The following AIMP2 variants were observed in gnomAD, a reference collection of about 807,000 sequenced individuals.
AIMP2 encodes aminoacyl tRNA synthase complex-interacting multifunctional protein 2.
A neutral mutation model predicts 23.4 loss-of-function variants in AIMP2; 20 were observed. The ratio of observed to expected loss-of-function variants is 0.85; its 90% CI spans 0.60 to 1.24. AIMP2 has a LOEUF of 1.24. AIMP2 is among the 50% of genes most tolerant of loss of function. The pLI, the probability that AIMP2 is intolerant of heterozygous loss-of-function variation, is 0.00. For synonymous variants in AIMP2, 210 were observed against 170.4 expected (o/e 1.23, Z -1.81); for missense variants, 515 against 414.5 (o/e 1.24, Z -2.10).
chr7:6,009,638 T>C, intron 1 of AIMP2, 140 bp downstream of exon 1: 2 of 719,612 alleles, frequency 2.8e-6, no homozygotes, highest in South Asian at 4.1e-5. Context: ...AGGGACTCAC[T>C]CAGACTTTTA....
chr7:6,014,864 T>G, intron 1 of AIMP2: 3 of 389,494 alleles, frequency 7.7e-6, no homozygotes, highest in South Asian at 7.4e-5. Flanking sequence ...GGATTACAGT[T>G]GCGTGCCACC....
rs764132138 is a variant in AIMP2 at position 6,015,322 on chromosome 7, T to C, written c.312T>C (p.Asn104=). The C allele has an allele frequency of 3.7e-6, 6 of 1,614,198 alleles. No homozygotes were observed. The Admixed American group carries it at 5.0e-5, about 13-fold the overall frequency. The part of the protein sequence containing the change: ...QADEPTTLTT[N]ALDLNSVLGK... ...ATGAGCCCACGACTTTAACCACCAATGCGCTGGACTTGAATTCAGTGCTTG... is the reference window on the plus strand; with the variant it reads ...ATGAGCCCACGACTTTAACCACCAACGCGCTGGACTTGAATTCAGTGCTTG... Residue 104 remains asparagine (N), a synonymous_variant, in exon 2 of 4, where the codon AAT becomes AAC. Transcript: ENST00000223029.
At chr7:6,017,246 T>G (rs906023747) in intron 2 of AIMP2, among the ~76,000 whole-genome samples, 5 of 152,036 alleles carry the variant, frequency 3.3e-5, no homozygotes, top group Non-Finnish European at 7.4e-5. Flanking sequence ...CCAGGCACCA[T>G]GGCTCCCATC....
chr7:6,014,430 G>A (rs936785289), intron 1 of AIMP2, among the ~76,000 whole-genome samples: 6 of 151,492 alleles, frequency 4.0e-5, no homozygotes, highest in African/African-American at 1.5e-4. Context: ...GCTTATTTTT[G>A]TATTTTTAGT....
intron 2 of AIMP2, 61 bp from the exon 3 acceptor site, chr7:6,017,753 G>A (rs1025586354): frequency 1.3e-4 from 194 of 1,471,420 alleles, no homozygotes; most frequent in Middle Eastern, 1.8e-4. Flanking sequence ...TTAGACTCGC[G>A]CCCGGCACAG....
intron 1 of AIMP2, among the ~76,000 whole-genome samples, chr7:6,014,264 T>C (rs1786877812): frequency 7.0e-6 from 1 of 142,848 alleles, no homozygotes; most frequent in East Asian, 2.0e-4. Context: ...TTTTTTTTTT[T>C]TTTTTTTTTT....
At chr7:6,009,581 G>T in intron 1 of AIMP2, 83 bp downstream of exon 1, 4 of 1,261,328 alleles carry the variant, frequency 3.2e-6, no homozygotes, top group Non-Finnish European at 4.1e-6. Flanking sequence ...GAGCGAGCGC[G>T]TCCCAACCGG....
chr7:6,017,895 C>G lies in AIMP2; in HGVS notation c.424C>G (p.Leu142Val), dbSNP rs1383497501. 6.2e-7 allele frequency: 1 copy of G among 1,613,984 alleles called. No homozygotes were observed. The highest frequency in any genetic ancestry group is 1.3e-5 in the African/African-American group (1 of 74,912). ...CTCCCTGCTTGTGCTGCACAGGCTGCTCTGTGAGCACTTCAGGGTCCTGTC... is the reference window on the plus strand; with the variant it reads ...CTCCCTGCTTGTGCTGCACAGGCTGGTCTGTGAGCACTTCAGGGTCCTGTC... The part of the protein sequence containing the change: ...PLSLLVLHRL[L>V]CEHFRVLSTV... Residue 142 changes from leucine (L) to valine (V), a missense_variant, in exon 3 of 4, where the codon CTC becomes GTC. By Grantham distance (32) the Leu-to-Val change is conservative (BLOSUM62 1). Coordinates refer to ENST00000223029, the MANE Select transcript of AIMP2 (RefSeq NM_006303.4).
chr7:6,009,488 G>C lies in AIMP2; in HGVS notation c.125G>C (p.Gly42Ala), dbSNP rs781469061. The C allele has an allele frequency of 1.3e-6, 2 of 1,565,398 alleles. No homozygotes were observed. Among genetic ancestry groups the C allele is most frequent in the Non-Finnish European group, 1.7e-6 (2 of 1,161,270 alleles). ...AGCTACGGCCCAGCGCCGGGCGCTG[G>C]CCACGTGCAGGTAGGAGCGCGGGGC... ...GRSYGPAPGA[G>A]HVQEESNLSL... Residue 42 changes from glycine (G) to alanine (A), a missense_variant, in exon 1 of 4, where the codon GGC (glycine) becomes GCC (alanine). Transcript: ENST00000223029.
chr7:6,023,592 C>A lies in AIMP2; in HGVS notation c.864C>A (p.Ile288=), dbSNP rs367931587. 714 of 1,614,184 alleles carry A rather than the reference C, an allele frequency of 4.4e-4. 1 individual carries two copies. The highest frequency in any genetic ancestry group is 5.7e-4 in the Non-Finnish European group (672 of 1,180,046). The part of the protein sequence containing the change: ...DVVLWSVLQQ[I]GGCSVTVPAN... ...TGCTGTGGTCTGTACTCCAGCAGAT[C>A]GGAGGCTGCAGTGTGACAGTGCCAG... The change falls in exon 4 of 4, where the codon ATC becomes ATA. Residue 288 remains isoleucine (I), a synonymous_variant. Transcript: ENST00000223029.
At chr7:6,012,494 CAG>C (rs1203764545) in intron 1 of AIMP2, among the ~76,000 whole-genome samples, 2 of 152,144 alleles carry the variant, frequency 1.3e-5, no homozygotes, top group African/African-American at 4.8e-5. Flanking sequence ...ACGCTGCACT[CAG>C]GGCTTAAAAA....
At chr7:6,015,446 C>T (rs749211522) in intron 2 of AIMP2, 94 bp downstream of exon 2, 418 of 1,397,688 alleles carry the variant, frequency 3.0e-4, no homozygotes, top group Non-Finnish European at 4.0e-4. Context: ...GCTTTCAGGC[C>T]GGGCGTGGTG....
At position 6,015,190 on chromosome 7, in the gene AIMP2, T is replaced by G; in HGVS notation, c.180T>G (p.Asp60Glu). 1 of 1,614,168 alleles carries G rather than the reference T, an allele frequency of 6.2e-7. No homozygotes were observed. Among genetic ancestry groups the G allele is most frequent in the Non-Finnish European group, 8.5e-7 (1 of 1,180,014 alleles). The part of the protein sequence containing the change: ...LSLQALESRQ[D>E]DILKRLYELK... The stretch of plus-strand genomic sequence containing the variant: ...TGCAAGCTCTTGAGTCCCGCCAAGA[T>G]GATATTTTAAAACGTCTGTATGAGT... The change falls in exon 2 of 4, where the codon GAT becomes GAG. Residue 60 changes from aspartate to glutamate, a missense_variant. Asp to Glu is a conservative substitution (Grantham distance 45). Coordinates refer to ENST00000223029, the MANE Select transcript of AIMP2 (RefSeq NM_006303.4).
At position 6,012,826 on chromosome 7, in the gene AIMP2, A is replaced by G. The variant is rs544779059; in HGVS notation, c.136-2320A>G. Reference sequence around the variant, plus strand: ...CTCGCCCTTCCAAAGTGCTGAGATTACAGGTATCAGCCACTGTGCCTAGCC... The same window carrying G: ...CTCGCCCTTCCAAAGTGCTGAGATTGCAGGTATCAGCCACTGTGCCTAGCC... On this transcript the variant is annotated intron_variant, in intron 1 of 3. Coordinates refer to ENST00000223029, the MANE Select transcript of AIMP2 (RefSeq NM_006303.4). The G allele has an allele frequency of 4.2e-5, 43 of 1,021,480 alleles. No individual in the cohort carries two copies. The African/African-American group carries it at 6.7e-4, about 16-fold the overall frequency. The allele number at this position is 1,021,480 out of a possible 1,614,324, so 63.3% of individuals were successfully genotyped here.
intron 2 of AIMP2, among the ~76,000 whole-genome samples, chr7:6,016,006 C>A (rs1787009695): frequency 6.6e-6 from 1 of 152,190 alleles, no homozygotes; most frequent in Non-Finnish European, 1.5e-5. Context: ...AGCTTGCTTG[C>A]TCAGTGTTCC....
intron 3 of AIMP2, among the ~76,000 whole-genome samples, chr7:6,018,350 A>G (rs113099555): frequency 0.13 from 19,028 of 149,606 alleles, 1,361 homozygotes; most frequent in African/African-American, 0.19. Flanking sequence ...GGGTTTCACT[A>G]TATTGGTCAG....
At chr7:6,023,179 C>T (rs2128883019) in intron 3 of AIMP2, 124 bp from the exon 4 acceptor site, 1 of 1,178,896 alleles carries the variant, frequency 8.5e-7, no homozygotes, top group East Asian at 2.4e-5. Context: ...TGATGTTCTT[C>T]TTGAAAACAC....
chr7:6,020,420 C>CA (rs111428378), intron 3 of AIMP2, among the ~76,000 whole-genome samples: 24 of 150,934 alleles, frequency 1.6e-4, no homozygotes, highest in Non-Finnish European at 2.4e-4. Context: ...GACTCCGTCT[C>CA]AAAAAAAAAG....
chr7:6,018,058 G>C lies in AIMP2; in HGVS notation c.574+13G>C, dbSNP rs777031773. 1.2e-6 allele frequency: 2 copies of C among 1,601,882 alleles called. No homozygotes were observed. The highest frequency in any genetic ancestry group is 2.7e-5 in the African/African-American group (2 of 74,652). ...ATTTGGAAGAATGGTAAGTAGACGG[G>C]ACTGAGTTCAACTTACACACAGCTG... On this transcript the variant is annotated intron_variant, in intron 3 of 3. Coordinates refer to ENST00000223029, the MANE Select transcript of AIMP2 (RefSeq NM_006303.4).
Sources: gnomAD v4.1 joint callset for allele counts (sites outside exome capture counted in the v4.1 genomes callset) on GRCh38, gnomAD v4.1.1 for gene constraint, MANE v1.5 for transcripts, NCBI Gene and HGNC (gene_info 2026-07-23, HGNC 2026-07-21) for gene names.